TPM4: variants seen among roughly 807,000 people sequenced by gnomAD.
The protein encoded by TPM4 is tropomyosin alpha-4 chain.
TPM4 carries 17 observed loss-of-function variants against 35.8 expected under a neutral mutation model. The ratio of observed to expected loss-of-function variants is 0.47; its 90% confidence interval spans 0.32 to 0.71. The LOEUF (loss-of-function observed/expected upper bound fraction) is 0.71, where lower values mean the gene tolerates loss of function less well. Ranked by LOEUF, TPM4 falls within the 30% of genes least tolerant of loss-of-function variation. The pLI is 0.03. For missense variants in TPM4, 240 were observed against 320.9 expected (o/e 0.75, Z 1.93); for synonymous variants, 120 against 122.9 (o/e 0.98, Z 0.15).
chr19:16,102,331 T>A lies in TPM4; in HGVS notation c.*985T>A, dbSNP rs1226080946. ...TCCAGCCTGGTCGACAGAGTGAGAC[T>A]CCATCTCAAGAAAAAATAAAAATAA... On this transcript the variant is annotated 3_prime_UTR_variant, in exon 8 of 8. Coordinates refer to ENST00000643579, the MANE Select transcript of TPM4 (RefSeq NM_003290.3). 7 of 200,374 alleles carry A rather than the reference T, an allele frequency of 3.5e-5. No individual in the cohort carries two copies. Among genetic ancestry groups the A allele is most frequent in the Non-Finnish European group, 5.2e-5 (5 of 97,052 alleles). 12.4% of individuals were successfully genotyped at this position (200,374 alleles called of 1,614,324 possible). A position where few individuals can be genotyped will look rare whatever the true frequency, so the allele number is the denominator to read the frequency against.
chr19:16,069,400 T>TGTATGG (rs1491100547), intron 2 of TPM4, among the ~76,000 whole-genome samples: 1 of 148,928 alleles, frequency 6.7e-6, no homozygotes, highest in East Asian at 1.9e-4. Flanking sequence ...GGTGTGTGTG[T>TGTATGG]ATGAGTGTGT....
chr19:16,093,396 A>G, intron 5 of TPM4, 140 bp from the exon 6 acceptor site: 1 of 837,044 alleles, frequency 1.2e-6, no homozygotes, highest in South Asian at 1.6e-5. Context: ...GGGTTTCACC[A>G]TGTTGGCCAG....
intron 1 of TPM4, among the ~76,000 whole-genome samples, chr19:16,079,474 C>T (rs923454114): frequency 1.3e-5 from 2 of 152,162 alleles, no homozygotes; most frequent in African/African-American, 4.8e-5. Flanking sequence ...GCCTCAGTGA[C>T]GTTTCTTAAG....
chr19:16,087,115 A>AAAT (rs1044115820), intron 3 of TPM4, among the ~76,000 whole-genome samples: 2 of 151,862 alleles, frequency 1.3e-5, no homozygotes, highest in Non-Finnish European at 2.9e-5. Flanking sequence ...CCATTTCTAA[A>AAAT]AATAATAATA....
At chr19:16,098,397 A>C (rs1398989906) in intron 7 of TPM4, among the ~76,000 whole-genome samples, 1 of 152,122 alleles carries the variant, frequency 6.6e-6, no homozygotes, top group Non-Finnish European at 1.5e-5. Flanking sequence ...CTGTGAGCCA[A>C]GGTCGAACCT....
intron 4 of TPM4, 78 bp downstream of exon 4, chr19:16,088,175 T>C (rs1206763272): frequency 1.3e-5 from 20 of 1,546,300 alleles, no homozygotes; most frequent in African/African-American, 6.8e-5. Context: ...GTGTTGGGAA[T>C]TGGCTCTGAC....
intron 1 of TPM4, chr19:16,076,903 G>A: frequency 8.8e-7 from 1 of 1,136,994 alleles, no homozygotes. Flanking sequence ...GCCTGGGACA[G>A]GGGAGGGGGC....
chr19:16,091,359 T>C (rs1198571423), intron 5 of TPM4, among the ~76,000 whole-genome samples: 5 of 152,190 alleles, frequency 3.3e-5, no homozygotes, highest in Admixed American at 1.3e-4. Context: ...GCCTGGCATC[T>C]GCTCTTGAAG....
chr19:16,098,419 C>T (rs2090725276), intron 7 of TPM4, among the ~76,000 whole-genome samples: 1 of 151,916 alleles, frequency 6.6e-6, no homozygotes, highest in Admixed American at 6.6e-5. Flanking sequence ...TGTACTCCAG[C>T]CTGGGCGACA....
intron 4 of TPM4, 155 bp downstream of exon 4, chr19:16,088,252 A>G: frequency 7.1e-7 from 1 of 1,417,514 alleles, no homozygotes; most frequent in African/African-American, 1.4e-5. Flanking sequence ...GGCTTCTGTG[A>G]CAAAGAGGTG....
upstream of TPM4, chr19:16,076,285 C>T (rs2090404236): frequency 1.3e-6 from 2 of 1,519,686 alleles, no homozygotes; most frequent in East Asian, 2.5e-5. Context: ...AAGGCGGCGC[C>T]TCCCAGCGCT....
Position 16,087,900 on chromosome 19 carries a change from C to A in TPM4, c.385-127C>A. Reference sequence around the variant, plus strand: ...CGTCCCCCTGCAAAAAAAAGAAACACCAGAAAAACCCATGTTGCAGCTGGT... The same window carrying A: ...CGTCCCCCTGCAAAAAAAAGAAACAACAGAAAAACCCATGTTGCAGCTGGT... On this transcript the variant is annotated intron_variant, in intron 3 of 7. Transcript: ENST00000643579. The A allele has an allele frequency of 5.1e-6, 5 of 986,226 alleles. No homozygotes were observed. In the South Asian group the frequency reaches 5.6e-5, roughly 11 times the overall value. 61.1% of individuals were successfully genotyped at this position (986,226 alleles called of 1,614,324 possible).
chr19:16,091,267 G>A (rs182631082), intron 5 of TPM4, among the ~76,000 whole-genome samples: 61 of 151,950 alleles, frequency 4.0e-4, no homozygotes, highest in African/African-American at 1.3e-3. Flanking sequence ...GGCCAGGCTC[G>A]TCTCAAACTC....
At chr19:16,086,873 T>A (rs1389362037) in intron 3 of TPM4, among the ~76,000 whole-genome samples, 1 of 152,082 alleles carries the variant, frequency 6.6e-6, no homozygotes, top group Non-Finnish European at 1.5e-5. Flanking sequence ...AGGCCCTCCT[T>A]TGCCTCCCTC....
In TPM4 at chr19:16,082,110, G is replaced by A. The variant is rs560639930; in HGVS notation, c.266+64G>A. The A allele has an allele frequency of 1.5e-5, 23 of 1,543,302 alleles. 1 individual carries two copies. Among genetic ancestry groups the A allele is most frequent in the East Asian group, 9.3e-5 (4 of 42,890 alleles). On this transcript the variant is annotated intron_variant, in intron 2 of 7. Transcript: ENST00000643579. ...TTTAGAAAATGGGGATCATGCTGCCGACCTCGCAGAGCTGGTGTGAAAGTA... is the reference window on the plus strand; with the variant it reads ...TTTAGAAAATGGGGATCATGCTGCCAACCTCGCAGAGCTGGTGTGAAAGTA...
At chr19:16,085,705 ATG>A (rs1309656698) in intron 2 of TPM4, among the ~76,000 whole-genome samples, 1 of 152,160 alleles carries the variant, frequency 6.6e-6, no homozygotes, top group Non-Finnish European at 1.5e-5. Context: ...CATTTGTAAA[ATG>A]TGGATAATTT....
chr19:16,090,594 G>A (rs548766926), intron 5 of TPM4, among the ~76,000 whole-genome samples: 2 of 152,212 alleles, frequency 1.3e-5, no homozygotes, highest in Middle Eastern at 3.4e-3. Flanking sequence ...CATCACTTCT[G>A]AGAGTCCTTC....
upstream of TPM4, chr19:16,076,236 C>A (rs568160037): frequency 1.3e-6 from 2 of 1,546,146 alleles, no homozygotes; most frequent in Non-Finnish European, 1.7e-6. Flanking sequence ...GCCGGGAAGG[C>A]GGGGAGAGCC....
rs550353075 is a variant in TPM4, at chr19:16,087,603, C to A, written c.385-424C>A. On this transcript the variant is annotated intron_variant, in intron 3 of 7. Transcript: ENST00000643579. ...AAAGAATAAAAAAATAAAAAAGAGG[C>A]CAGGTGTGGTGGCTCATGCCTATAA... 3.3e-5 allele frequency among the ~76,000 whole-genome samples: 5 copies of A among 151,836 alleles called. No individual in the cohort carries two copies. The South Asian group carries it at 1.0e-3, about 32-fold the overall frequency.
Sources: gnomAD v4.1 joint callset for allele counts (sites outside exome capture counted in the v4.1 genomes callset) on GRCh38, gnomAD v4.1.1 for gene constraint, MANE v1.5 for transcripts, NCBI Gene and HGNC (gene_info 2026-07-23, HGNC 2026-07-21) for gene names.